DENND2B: variants seen among roughly 807,000 people sequenced by gnomAD.
DENND2B encodes DENN domain containing 2B.
Under a neutral mutation model 116.0 loss-of-function variants are expected in DENND2B, and 32 were observed. The observed-to-expected ratio is 0.28, with a 90% CI of 0.21 to 0.37. The LOEUF (loss-of-function observed/expected upper bound fraction) is 0.37, where lower values mean the gene tolerates loss of function less well. Among genes scored for constraint, DENND2B ranks in the 10% least tolerant of loss-of-function variants. The pLI, the probability that DENND2B is intolerant of heterozygous loss-of-function variation, is 1.00. For synonymous variants in DENND2B, 588 were observed against 583.9 expected, an observed-to-expected ratio of 1.01 and a Z score of -0.10; for missense variants, 1,276 against 1,477.7, an observed-to-expected ratio of 0.86 and a Z score of 2.24.
At chr11:8,850,599 C>G (rs576703269) in intron 3 of DENND2B, among the ~76,000 whole-genome samples, 5 of 152,014 alleles carry the variant, frequency 3.3e-5, no homozygotes, top group Non-Finnish European at 2.9e-5. Context: ...TACAGCCATT[C>G]TGGAAAACAG....
intron 10 of DENND2B, 38 bp from the exon 11 acceptor site, chr11:8,710,952 G>C: frequency 1.2e-6 from 2 of 1,611,450 alleles, no homozygotes; most frequent in Non-Finnish European, 1.7e-6. Context: ...GGAGGTGTGA[G>C]AGGACCTAGG....
chr11:8,870,637 G>C (rs576468342), intron 2 of DENND2B, among the ~76,000 whole-genome samples: 1 of 151,910 alleles, frequency 6.6e-6, no homozygotes, highest in Non-Finnish European at 1.5e-5. Flanking sequence ...CCAGCTCCCA[G>C]GACGTCCCGA....
chr11:8,784,607 G>T (rs3751071), intron 1 of DENND2B: 3 of 151,990 alleles, frequency 2.0e-5, no homozygotes, highest in Admixed American at 2.0e-4. Context: ...GGAGGCCGAG[G>T]CGGGTGGGTC....
intron 16 of DENND2B, chr11:8,697,940 TG>T: frequency 2.0e-6 from 1 of 489,170 alleles, no homozygotes; most frequent in Non-Finnish European, 4.0e-6. Flanking sequence ...GAGACCAGCC[TG>T]GGCAACTTAG....
intron 1 of DENND2B, among the ~76,000 whole-genome samples, chr11:8,803,549 T>C (rs769547872): frequency 1.3e-5 from 2 of 152,212 alleles, no homozygotes; most frequent in Non-Finnish European, 2.9e-5. Context: ...ACTACCTGGC[T>C]GGGACTTTCT....
At chr11:8,810,456 A>G (rs2061291769) in intron 1 of DENND2B, 61 bp downstream of exon 1, 1 of 152,252 alleles carries the variant, frequency 6.6e-6, no homozygotes, top group Non-Finnish European at 1.5e-5. Flanking sequence ...CTCCCAGAAA[A>G]CAGCCGGAGA....
At chr11:8,875,411 A>C (rs933306592), upstream of DENND2B, among the ~76,000 whole-genome samples, 5 of 151,106 alleles carry the variant, frequency 3.3e-5, no homozygotes, top group Admixed American at 6.6e-5. Flanking sequence ...AATTTTTGAC[A>C]CTGTGATTTT....
chr11:8,757,697 T>C (rs1308301996), intron 1 of DENND2B, among the ~76,000 whole-genome samples: 1 of 152,210 alleles, frequency 6.6e-6, no homozygotes, highest in Non-Finnish European at 1.5e-5. Context: ...GTACTATTAA[T>C]ATTTCACAGG....
rs35017643 is a variant in DENND2B, at chr11:8,801,995, G to GA, written c.-26+8521dup. On this transcript the variant is annotated intron_variant, in intron 1 of 19. Transcript: ENST00000313726. ...TGACACAGTAAGGCCCTCTCTTGGG[G>GA]AAAAAAAAAAAAAAAAAAAAAAGGG... is the stretch of plus-strand genomic sequence containing the variant. Among the ~76,000 whole-genome samples the GA allele has an allele frequency of 8.2e-3, 484 of 58,842 alleles. 3 individuals carry two copies. Among genetic ancestry groups the GA allele is most frequent in the African/African-American group, 0.019 (247 of 13,058 alleles). 38.6% of individuals were successfully genotyped at this position (58,842 alleles called of 152,430 possible). A position where few individuals can be genotyped will look rare whatever the true frequency, so the allele number is the denominator to read the frequency against.
Position 8,729,719 on chromosome 11 carries a change from A to G in DENND2B, c.1340+231T>C, listed in dbSNP as rs551426524. Reference sequence around the variant, plus strand: ...AACCCAGCCAATACCTTCAGTGACCAGCACTCAGGTCCCAAGTATCCTGTA... The same window carrying G: ...AACCCAGCCAATACCTTCAGTGACCGGCACTCAGGTCCCAAGTATCCTGTA... On this transcript the variant is annotated intron_variant, in intron 3 of 19. Coordinates refer to ENST00000313726, the MANE Select transcript of DENND2B (RefSeq NM_213618.2). Among the ~76,000 whole-genome samples, 171 of 152,340 alleles carry G rather than the reference A, an allele frequency of 1.1e-3. 1 individual carries two copies. Among genetic ancestry groups the G allele is most frequent in the African/African-American group, 3.9e-3 (162 of 41,576 alleles).
At chr11:8,853,843 C>T (rs1434050106) in intron 3 of DENND2B, among the ~76,000 whole-genome samples, 1 of 151,354 alleles carries the variant, frequency 6.6e-6, no homozygotes, top group South Asian at 2.1e-4. Flanking sequence ...AAAGCAAACA[C>T]TATATTTTTA....
At chr11:8,760,333 G>A (rs1057102841) in intron 1 of DENND2B, among the ~76,000 whole-genome samples, 1 of 152,102 alleles carries the variant, frequency 6.6e-6, no homozygotes, top group African/African-American at 2.4e-5. Flanking sequence ...CCCAAACCAA[G>A]ATTCTCAAAA....
At chr11:8,809,945 T>C (rs911491783) in intron 1 of DENND2B, 1 of 149,854 alleles carries the variant, frequency 6.7e-6, no homozygotes, top group Non-Finnish European at 1.5e-5. Context: ...AGAGAGAGAG[T>C]GCAAAACCCC....
chr11:8,903,474 TA>T (rs35974143), intron 1 of DENND2B, among the ~76,000 whole-genome samples: 44,636 of 116,120 alleles, frequency 0.38, 8,491 homozygotes, highest in Non-Finnish European at 0.47. Context: ...ACCAAGATGT[TA>T]AAAAAAAAAA....
intron 4 of DENND2B, among the ~76,000 whole-genome samples, chr11:8,822,632 G>A (rs557651301): frequency 1.3e-5 from 2 of 152,170 alleles, no homozygotes; most frequent in African/African-American, 4.8e-5. Flanking sequence ...AGAATCTAAC[G>A]TGGACTGTAC....
rs1421788040 is a variant in DENND2B, at chr11:8,802,705, T to C, written c.-26+7812A>G. On this transcript the variant is annotated intron_variant, in intron 1 of 19. Coordinates refer to ENST00000313726, the MANE Select transcript of DENND2B (RefSeq NM_213618.2). ...AGAAAACACTGGCATTTTTCGCCACTGAGAAAAGGAAACAGTGATGGAAAT... is the reference window on the plus strand; with the variant it reads ...AGAAAACACTGGCATTTTTCGCCACCGAGAAAAGGAAACAGTGATGGAAAT... 2.0e-5 allele frequency among the ~76,000 whole-genome samples: 3 copies of C among 152,210 alleles called. No homozygotes were observed. In the South Asian group the frequency reaches 6.2e-4, roughly 32 times the overall value.
intron 4 of DENND2B, 99 bp downstream of exon 4, chr11:8,725,974 C>G (rs2047022622): frequency 1.9e-6 from 3 of 1,572,418 alleles, no homozygotes; most frequent in Middle Eastern, 2.3e-4. Context: ...GGGACCATGC[C>G]TGCCCACAGT....
intron 14 of DENND2B, 41 bp from the exon 15 acceptor site, chr11:8,699,431 C>T: frequency 6.5e-7 from 1 of 1,546,506 alleles, no homozygotes; most frequent in South Asian, 1.2e-5. Flanking sequence ...GAGCCCAGGC[C>T]CAGGAACTTA....
In DENND2B at chr11:8,858,627, G is replaced by A. The variant is rs76827898; in HGVS notation, c.-249-1191C>T. Among the ~76,000 whole-genome samples, 67 of 152,302 alleles carry A rather than the reference G, an allele frequency of 4.4e-4. No homozygotes were observed. The East Asian group carries it at 0.012, about 28-fold the overall frequency. ...TAGTAAATGTGCATTGTACTTCTAAGTGTGATAGCATTCCATATGAGGGTA... is the reference window on the plus strand; with the variant it reads ...TAGTAAATGTGCATTGTACTTCTAAATGTGATAGCATTCCATATGAGGGTA... On this transcript the variant is annotated intron_variant, in intron 2 of 6. Coordinates refer to the DENND2B transcript ENST00000524757.
Sources: gnomAD v4.1 joint callset for allele counts (sites outside exome capture counted in the v4.1 genomes callset) on GRCh38, gnomAD v4.1.1 for gene constraint, MANE v1.5 for transcripts, NCBI Gene and HGNC (gene_info 2026-07-23, HGNC 2026-07-21) for gene names.